TP53BP2: variants seen among roughly 807,000 people sequenced by gnomAD.
TP53BP2 encodes the protein apoptosis-stimulating of p53 protein 2.
In TP53BP2, 62 loss-of-function variants were observed where a neutral mutation model predicts 126.2. That is an observed-to-expected ratio of 0.49 (90% confidence interval 0.40 to 0.61). TP53BP2 has a LOEUF of 0.61. Ranked by LOEUF, TP53BP2 falls within the 20% of genes least tolerant of loss-of-function variation. The pLI is 0.00. For missense variants in TP53BP2, 1,215 were observed against 1,402.8 expected, an observed-to-expected ratio of 0.87 and a Z score of 2.14; for synonymous variants, 485 against 502.9, an observed-to-expected ratio of 0.96 and a Z score of 0.48.
rs1353994034 is a variant in TP53BP2, at chr1:223,820,674, AG to A, written c.175+545del. Among the ~76,000 whole-genome samples, 5 of 152,332 alleles carry A rather than the reference AG, an allele frequency of 3.3e-5. No individual in the cohort carries two copies. In the East Asian group the frequency reaches 9.6e-4, roughly 29 times the overall value. ...CAGCAGGAGTTCATCCAGCCTGTGT[AG>A]GAACAAGGCAGAAATGATGAAAAAT... is the stretch of plus-strand genomic sequence containing the variant. On this transcript the variant is annotated intron_variant, in intron 2 of 17. Coordinates refer to ENST00000343537, the MANE Select transcript of TP53BP2 (RefSeq NM_001031685.3).
chr1:223,845,772 C>G lies in TP53BP2; in HGVS notation c.-92G>C. 2 of 1,275,558 alleles carry G rather than the reference C, an allele frequency of 1.6e-6. No individual in the cohort carries two copies. The highest frequency in any genetic ancestry group is 1.6e-5 in the African/African-American group (1 of 63,464). 79.0% of individuals were successfully genotyped at this position (1,275,558 alleles called of 1,614,324 possible). On this transcript the variant is annotated 5_prime_UTR_variant, in exon 1 of 18. Coordinates refer to ENST00000343537, the MANE Select transcript of TP53BP2 (RefSeq NM_001031685.3). ...GAGGGGAGCGGAGAGCGAGGCCGCC[C>G]GGACCTGTTGCGAGGCGGCGGCGGC...
rs781263870 is a variant in TP53BP2 at position 223,780,838 on chromosome 1, T to C, written c.*15A>G. On this transcript the variant is annotated 3_prime_UTR_variant, in exon 18 of 18. Coordinates refer to ENST00000343537, the MANE Select transcript of TP53BP2 (RefSeq NM_001031685.3). ...GAGATTAATTCTTCATTGACTAAAATTCTGTGTGGAAGTTTCAGGCCAAGC... is the reference window on the plus strand; with the variant it reads ...GAGATTAATTCTTCATTGACTAAAACTCTGTGTGGAAGTTTCAGGCCAAGC... 5.6e-6 allele frequency: 9 copies of C among 1,612,498 alleles called. No homozygotes were observed. The highest frequency in any genetic ancestry group is 7.6e-6 in the Non-Finnish European group (9 of 1,179,664).
intron 2 of TP53BP2, among the ~76,000 whole-genome samples, chr1:223,815,515 C>T (rs1171041270): frequency 1.3e-5 from 2 of 152,174 alleles, no homozygotes; most frequent in African/African-American, 2.4e-5. Context: ...TCTCCAGGTT[C>T]CAGGAGCAAA....
At chr1:223,800,851 A>G (rs1014133256) in intron 9 of TP53BP2, 41 bp from the exon 10 acceptor site, 3 of 1,448,752 alleles carry the variant, frequency 2.1e-6, no homozygotes, top group Non-Finnish European at 2.8e-6. Flanking sequence ...TCAGCATTCT[A>G]AAGAGATTTT....
chr1:223,818,771 G>A (rs1373776436), intron 2 of TP53BP2, among the ~76,000 whole-genome samples: 1 of 151,222 alleles, frequency 6.6e-6, no homozygotes, highest in Non-Finnish European at 1.5e-5. Flanking sequence ...TAGAGGCGGG[G>A]TTTCACCATG....
intron 16 of TP53BP2, among the ~76,000 whole-genome samples, chr1:223,787,459 A>G (rs1273970671): frequency 2.6e-5 from 4 of 152,064 alleles, no homozygotes; most frequent in Non-Finnish European, 5.9e-5. Context: ...TTAAAACATA[A>G]ACAAAGGCTG....
At chr1:223,838,692 A>T (rs531963462) in intron 1 of TP53BP2, among the ~76,000 whole-genome samples, 1 of 152,356 alleles carries the variant, frequency 6.6e-6, no homozygotes, top group African/African-American at 2.4e-5. Flanking sequence ...AGGTGATGGT[A>T]AGAACCGCAA....
At chr1:223,823,513 T>TA (rs1558105845) in intron 1 of TP53BP2, among the ~76,000 whole-genome samples, 1 of 151,878 alleles carries the variant, frequency 6.6e-6, no homozygotes, top group African/African-American at 2.4e-5. Context: ...AATGGAAAAA[T>TA]AAAAAAACAC....
chr1:223,844,717 C>A (rs1004969913), intron 1 of TP53BP2, among the ~76,000 whole-genome samples: 1 of 152,184 alleles, frequency 6.6e-6, no homozygotes, highest in Non-Finnish European at 1.5e-5. Flanking sequence ...CAGGGAACAG[C>A]ATATTATACT....
chr1:223,831,228 TA>T (rs34353727), intron 1 of TP53BP2, among the ~76,000 whole-genome samples: 28,192 of 132,988 alleles, frequency 0.21, 3,097 homozygotes, highest in Non-Finnish European at 0.25. Context: ...CCATTTATAT[TA>T]AAAAAAAAAA....
chr1:223,783,469 C>G (rs1200717806), intron 17 of TP53BP2, among the ~76,000 whole-genome samples: 2 of 152,186 alleles, frequency 1.3e-5, no homozygotes, highest in African/African-American at 4.8e-5. Flanking sequence ...CTGATCATTT[C>G]TCTCACTCTT....
intron 17 of TP53BP2, among the ~76,000 whole-genome samples, chr1:223,783,008 A>T (rs952640032): frequency 2.0e-5 from 3 of 152,202 alleles, no homozygotes; most frequent in Non-Finnish European, 2.9e-5. Flanking sequence ...GTCAGAATCC[A>T]GGCAGTCAGG....
At chr1:223,818,123 T>C (rs1486803425) in intron 2 of TP53BP2, 1 of 152,568 alleles carries the variant, frequency 6.6e-6, no homozygotes, top group Non-Finnish European at 1.5e-5. Flanking sequence ...CTGAGAATTA[T>C]CTGGCTAAAA....
In TP53BP2 at chr1:223,792,445, G is replaced by A. The variant is rs754482610; in HGVS notation, c.2940C>T (p.Ile980=). ...CACCAAACTGTACCAGGAACTTAAC[G>A]ATTTCTGTGTGGCCTGCACACACAG... The part of the protein sequence containing the change: ...HNAVCAGHTE[I]VKFLVQFGVN... Residue 980 remains isoleucine, a synonymous_variant, in exon 15 of 18, where the codon ATC becomes ATT. Coordinates refer to ENST00000343537, the MANE Select transcript of TP53BP2 (RefSeq NM_001031685.3). 4.5e-5 allele frequency: 72 copies of A among 1,613,716 alleles called. No individual in the cohort carries two copies. Among genetic ancestry groups the A allele is most frequent in the Non-Finnish European group, 4.9e-5 (58 of 1,179,862 alleles).
rs1418288001 is a variant in TP53BP2 at position 223,795,987 on chromosome 1, T to A, written c.2552A>T (p.Gln851Leu). Reference sequence around the variant, plus strand: ...TGGATTTGGTTCTTCTGGGTTATTCTGGAGATTTGGGCTGTTGTCTGGGAC... The same window carrying A: ...TGGATTTGGTTCTTCTGGGTTATTCAGGAGATTTGGGCTGTTGTCTGGGAC... ...EGVPDNSPNL[Q>L]NNPEEPNPEA... Residue 851 changes from glutamine (Q) to leucine (L), a missense_variant, in exon 13 of 18, where the codon CAG becomes CTG. Physicochemically the swap from Gln to Leu is moderately radical, Grantham distance 113 (BLOSUM62 -2). Around this residue, in one of 4 missense-constraint regions of TP53BP2, gnomAD observed 204 missense variants for 225.7 expected, o/e 0.90. Coordinates refer to ENST00000343537, the MANE Select transcript of TP53BP2 (RefSeq NM_001031685.3). The A allele has an allele frequency of 6.2e-7, 1 of 1,613,930 alleles. No homozygotes were observed.
At chr1:223,843,421 G>GACCTC (rs1249416423) in intron 1 of TP53BP2, among the ~76,000 whole-genome samples, 1 of 152,050 alleles carries the variant, frequency 6.6e-6, no homozygotes, top group Non-Finnish European at 1.5e-5. Context: ...CGCCCGCCTC[G>GACCTC]ACCTCCCAAA....
rs763333987 is a variant in TP53BP2 at position 223,796,620 on chromosome 1, CATT to C, written c.1949-33_1949-31del. ...TTGGAAAAGGAAAAAAAAAAGCCCT[CATT>C]AGCATTAATTAAACAAAACTGGCAA... On this transcript the variant is annotated intron_variant, in intron 12 of 17. Transcript: ENST00000343537. This position sits in a 1 kb window ranked among gnomAD's most constrained non-coding sequence, Gnocchi z 4.2. 5 of 1,531,116 alleles carry C rather than the reference CATT, an allele frequency of 3.3e-6. No homozygotes were observed. The Admixed American group carries it at 1.1e-4, about 34-fold the overall frequency. The allele number at this position is 1,531,116 out of a possible 1,614,324, so 94.8% of individuals were successfully genotyped here.
chr1:223,821,515 G>T, intron 1 of TP53BP2, 148 bp from the exon 2 acceptor site: 1 of 1,063,536 alleles, frequency 9.4e-7, no homozygotes, highest in Non-Finnish European at 1.4e-6. Flanking sequence ...AAGGTGAGGT[G>T]TGGACTGGGG....
intron 1 of TP53BP2, among the ~76,000 whole-genome samples, chr1:223,840,971 T>A (rs991648233): frequency 6.6e-6 from 1 of 152,164 alleles, no homozygotes. Context: ...TGTGAGATGC[T>A]CCTGGGTGCG....
Sources: gnomAD v4.1 joint callset for allele counts (sites outside exome capture counted in the v4.1 genomes callset) on GRCh38, gnomAD v4.1.1 for gene constraint, gnomAD v4.1.1 regional missense constraint, Gnocchi (gnomAD v3.1) non-coding constraint, MANE v1.5 for transcripts, NCBI Gene and HGNC (gene_info 2026-07-23, HGNC 2026-07-21) for gene names.